The following LPAR1 variants were observed in gnomAD, a reference collection of about 807,000 sequenced individuals.
The protein encoded by LPAR1 is LPA receptor 1.
LPAR1 carries 5 observed loss-of-function variants against 23.8 expected under a neutral mutation model. That is an observed-to-expected ratio of 0.21 (90% CI 0.11 to 0.44). LPAR1 has a LOEUF of 0.44. Ranked by LOEUF, LPAR1 falls within the 20% of genes least tolerant of loss-of-function variation. LPAR1 has a pLI of 0.99. For synonymous variants in LPAR1, 160 were observed against 164.7 expected, an observed-to-expected ratio of 0.97 and a Z score of 0.22; for missense variants, 311 against 482.8, an observed-to-expected ratio of 0.64 and a Z score of 3.33.
chr9:111,025,232 G>A (rs1377814577), intron 2 of LPAR1, among the ~76,000 whole-genome samples: 2 of 152,150 alleles, frequency 1.3e-5, no homozygotes, highest in South Asian at 2.1e-4. Flanking sequence ...ACTTTTTAAT[G>A]ATTGCCATTC....
intron 2 of LPAR1, among the ~76,000 whole-genome samples, chr9:111,027,885 CAAAAAAAAAAAAA>C (rs10594862): frequency 2.8e-4 from 16 of 56,692 alleles, no homozygotes; most frequent in East Asian, 2.0e-3. Flanking sequence ...CACAAGTCCT[CAAAAAAAAAAAAA>C]AAAAAAAAAA....
intron 5 of LPAR1, among the ~76,000 whole-genome samples, chr9:110,902,008 A>G (rs962504745): frequency 5.9e-5 from 9 of 151,796 alleles, no homozygotes; most frequent in Non-Finnish European, 2.9e-5. Context: ...TAAACCCTAG[A>G]AAAAAAACAC....
At chr9:110,893,604 T>C (rs1237621911) in intron 5 of LPAR1, among the ~76,000 whole-genome samples, 2 of 152,202 alleles carry the variant, frequency 1.3e-5, no homozygotes, top group East Asian at 1.9e-4. Context: ...GGCAGTTGCA[T>C]GGACTTTGAA....
Position 110,942,876 on chromosome 9 carries a change from C to T in LPAR1, c.46-708G>A, listed in dbSNP as rs1385485884. ...AACGTAACCTCCAAAGAGTAGGTGA[C>T]CCTTTGACAATGTTCTACAAGTAAA... is the stretch of plus-strand genomic sequence containing the variant. On this transcript the variant is annotated intron_variant, in intron 4 of 5. Transcript: ENST00000683809. Among the ~76,000 whole-genome samples, 3 of 151,930 alleles carry T rather than the reference C, an allele frequency of 2.0e-5. No homozygotes were observed. In the East Asian group the frequency reaches 5.8e-4, roughly 29 times the overall value.
At chr9:110,971,432 CATTGT>C (rs1223331820) in intron 4 of LPAR1, among the ~76,000 whole-genome samples, 1 of 152,172 alleles carries the variant, frequency 6.6e-6, no homozygotes, top group African/African-American at 2.4e-5. Context: ...TCTGTTTCCA[CATTGT>C]ACCCTGCTGC....
At chr9:110,911,173 G>A (rs1205090217) in intron 5 of LPAR1, among the ~76,000 whole-genome samples, 1 of 152,122 alleles carries the variant, frequency 6.6e-6, no homozygotes, top group Admixed American at 6.6e-5. Context: ...AATTGCCACA[G>A]CCACCCCAAT....
At chr9:110,936,166 T>C (rs768058326) in intron 5 of LPAR1, among the ~76,000 whole-genome samples, 6 of 152,222 alleles carry the variant, frequency 3.9e-5, no homozygotes, top group Admixed American at 2.6e-4. Context: ...AGCTCTTTTT[T>C]AGTCTCCTCT....
intron 5 of LPAR1, among the ~76,000 whole-genome samples, chr9:110,938,234 C>A (rs1019951082): frequency 6.6e-6 from 1 of 152,170 alleles, no homozygotes; most frequent in African/African-American, 2.4e-5. Flanking sequence ...TGTACACAAA[C>A]TAAAGTAAAA....
chr9:110,971,240 T>C (rs2096410128), intron 4 of LPAR1, among the ~76,000 whole-genome samples: 1 of 152,192 alleles, frequency 6.6e-6, no homozygotes, highest in Non-Finnish European at 1.5e-5. Context: ...AATGGGAAAC[T>C]ACACTTGCTG....
At chr9:110,955,490 C>A (rs1421760824) in intron 4 of LPAR1, among the ~76,000 whole-genome samples, 1 of 152,054 alleles carries the variant, frequency 6.6e-6, no homozygotes, top group South Asian at 2.1e-4. Context: ...GTGACCTCAA[C>A]ACCCCACTCT....
chr9:110,974,963 T>C (rs1286059755), intron 2 of LPAR1, among the ~76,000 whole-genome samples: 1 of 152,186 alleles, frequency 6.6e-6, no homozygotes, highest in Non-Finnish European at 1.5e-5. Flanking sequence ...TTATTATTCC[T>C]GGCATTATTT....
At chr9:111,023,430 C>G (rs2097605356) in intron 2 of LPAR1, among the ~76,000 whole-genome samples, 1 of 152,220 alleles carries the variant, frequency 6.6e-6, no homozygotes, top group Admixed American at 6.5e-5. Flanking sequence ...TGAATCACCC[C>G]CAAAGTCAGA....
At chr9:111,019,827 A>C (rs2097528496) in intron 2 of LPAR1, among the ~76,000 whole-genome samples, 1 of 152,242 alleles carries the variant, frequency 6.6e-6, no homozygotes, top group African/African-American at 2.4e-5. Flanking sequence ...CCTGGGCGAC[A>C]GAGTGAGACT....
chr9:110,926,014 G>A (rs543276096), intron 5 of LPAR1, among the ~76,000 whole-genome samples: 21 of 152,164 alleles, frequency 1.4e-4, no homozygotes, highest in African/African-American at 4.3e-4. Flanking sequence ...TCTGCCTCCC[G>A]GGTTCGCGCC....
chr9:110,925,955 C>G (rs2093993001), intron 5 of LPAR1, among the ~76,000 whole-genome samples: 1 of 152,150 alleles, frequency 6.6e-6, no homozygotes, highest in Non-Finnish European at 1.5e-5. Flanking sequence ...GACTCTCGCT[C>G]TGTCACCCAG....
chr9:110,926,172 G>C (rs567906190), intron 5 of LPAR1, among the ~76,000 whole-genome samples: 193 of 152,246 alleles, frequency 1.3e-3, no homozygotes, highest in Non-Finnish European at 3.1e-4. Flanking sequence ...CGCCCGCCTA[G>C]GCCTCCCAAA....
At chr9:111,011,688 C>T (rs2097334251) in intron 2 of LPAR1, among the ~76,000 whole-genome samples, 1 of 152,150 alleles carries the variant, frequency 6.6e-6, no homozygotes, top group Non-Finnish European at 1.5e-5. Flanking sequence ...TCAAGGATGA[C>T]ACCTAAAACA....
At chr9:111,024,658 G>T (rs10980697) in intron 2 of LPAR1, among the ~76,000 whole-genome samples, 1 of 151,054 alleles carries the variant, frequency 6.6e-6, no homozygotes, top group Non-Finnish European at 1.5e-5. Flanking sequence ...CCATAAACTC[G>T]CCATCTACAT....
chr9:110,947,233 T>C (rs991872762), intron 4 of LPAR1, among the ~76,000 whole-genome samples: 3 of 152,144 alleles, frequency 2.0e-5, no homozygotes, highest in African/African-American at 7.2e-5. Context: ...TAAGTACTTT[T>C]CCAAAAAGCT....
Sources: gnomAD v4.1 joint callset for allele counts (sites outside exome capture counted in the v4.1 genomes callset) on GRCh38, gnomAD v4.1.1 for gene constraint, MANE v1.5 for transcripts, NCBI Gene and HGNC (gene_info 2026-07-23, HGNC 2026-07-21) for gene names.